Variants in PTPRD observed in about 807,000 individuals in gnomAD.
PTPRD encodes the protein receptor-type tyrosine-protein phosphatase delta.
PTPRD carries 34 observed loss-of-function variants against 214.5 expected under a neutral mutation model. The observed-to-expected ratio is 0.16, with a 90% CI of 0.12 to 0.21. PTPRD has a LOEUF of 0.21. Among genes scored for constraint, PTPRD ranks in the 10% least tolerant of loss-of-function variants. PTPRD has a pLI of 1.00. For missense variants in PTPRD, 2,545 were observed against 2,398.7 expected, an observed-to-expected ratio of 1.06 and a Z score of -1.27; for synonymous variants, 1,128 against 845.7, an observed-to-expected ratio of 1.33 and a Z score of -5.79.
At chr9:8,826,130 C>T (rs1292739012) in intron 11 of PTPRD, among the ~76,000 whole-genome samples, 2 of 152,034 alleles carry the variant, frequency 1.3e-5, no homozygotes, top group Non-Finnish European at 2.9e-5. Context: ...TCCTCAATTT[C>T]TTCCCAATCT....
chr9:9,840,812 G>GGGAAATA (rs2058139657), intron 5 of PTPRD, among the ~76,000 whole-genome samples: 1 of 140,710 alleles, frequency 7.1e-6, no homozygotes, highest in African/African-American at 2.7e-5. Flanking sequence ...GAAAGGGGAA[G>GGGAAATA]GGAAATACAC....
chr9:10,584,101 T>A (rs972917892), intron 2 of PTPRD, among the ~76,000 whole-genome samples: 2 of 151,776 alleles, frequency 1.3e-5, no homozygotes, highest in Middle Eastern at 3.2e-3. Context: ...TGAATGCTTG[T>A]GTGTTGGCAC....
chr9:9,896,499 T>C (rs2075011218), intron 5 of PTPRD, among the ~76,000 whole-genome samples: 2 of 152,056 alleles, frequency 1.3e-5, no homozygotes, highest in South Asian at 4.1e-4. Flanking sequence ...GGAAATAGTC[T>C]AGTGCATTTG....
At chr9:10,518,010 T>C (rs1032987221) in intron 2 of PTPRD, among the ~76,000 whole-genome samples, 3 of 152,150 alleles carry the variant, frequency 2.0e-5, no homozygotes, top group African/African-American at 4.8e-5. Flanking sequence ...ACTAAATATA[T>C]ACAGGTATAA....
intron 3 of PTPRD, among the ~76,000 whole-genome samples, chr9:10,306,490 T>G (rs2096073238): frequency 1.3e-5 from 2 of 152,188 alleles, no homozygotes; most frequent in African/African-American, 4.8e-5. Flanking sequence ...GTTCTCATTA[T>G]TTTTCCTGTC....
In PTPRD at chr9:8,316,942, A is replaced by C. The variant is rs1822281914; in HGVS notation, c.*932T>G. On this transcript the variant is annotated 3_prime_UTR_variant, in exon 46 of 46. Transcript: ENST00000381196. ...TTTTTTGTGTGGACACACTGTCTATATATACATAGACACCCTTATAAAATA... is the reference window on the plus strand; with the variant it reads ...TTTTTTGTGTGGACACACTGTCTATCTATACATAGACACCCTTATAAAATA... 1 of 231,478 alleles carries C rather than the reference A, an allele frequency of 4.3e-6. No individual in the cohort carries two copies. Among genetic ancestry groups the C allele is most frequent in the Non-Finnish European group, 8.6e-6 (1 of 116,714 alleles). 14.3% of individuals were successfully genotyped at this position (231,478 alleles called of 1,614,324 possible).
chr9:8,896,134 T>C (rs2098608515), intron 11 of PTPRD, among the ~76,000 whole-genome samples: 1 of 152,240 alleles, frequency 6.6e-6, no homozygotes, highest in Admixed American at 6.5e-5. Flanking sequence ...CAGTAGTGAT[T>C]TCATTTAAGT....
intron 44 of PTPRD, among the ~76,000 whole-genome samples, chr9:8,328,588 TTCTTCTGGATAATATCCTGA>T (rs1836416679): frequency 8.1e-6 from 1 of 124,044 alleles, no homozygotes. Context: ...GTTGGGGAAG[TTCTTCTGGATAATATCCTGA>T]TATCCTGAAG....
intron 34 of PTPRD, among the ~76,000 whole-genome samples, chr9:8,441,250 G>A (rs1418459851): frequency 6.6e-6 from 1 of 152,068 alleles, no homozygotes; most frequent in Non-Finnish European, 1.5e-5. Flanking sequence ...AGCCATAAGC[G>A]TGACATAAAT....
intron 36 of PTPRD, among the ~76,000 whole-genome samples, chr9:8,395,901 T>G (rs750406738): frequency 1.3e-5 from 2 of 151,994 alleles, no homozygotes; most frequent in African/African-American, 2.4e-5. Flanking sequence ...CCAGCACCTG[T>G]GATAGAGGGG....
intron 11 of PTPRD, among the ~76,000 whole-genome samples, chr9:8,959,018 C>T (rs1244864908): frequency 6.6e-6 from 1 of 151,988 alleles, no homozygotes; most frequent in Non-Finnish European, 1.5e-5. Flanking sequence ...GAGACAGGTC[C>T]TCGAGGAAGC....
chr9:10,144,881 CA>C (rs2099011819), intron 3 of PTPRD, among the ~76,000 whole-genome samples: 1 of 151,208 alleles, frequency 6.6e-6, no homozygotes, highest in African/African-American at 2.4e-5. Context: ...TTTTATTAGC[CA>C]AAATTAAAAA....
chr9:8,501,841 A>G (rs1168625208), intron 23 of PTPRD, among the ~76,000 whole-genome samples: 1 of 152,200 alleles, frequency 6.6e-6, no homozygotes, highest in Non-Finnish European at 1.5e-5. Flanking sequence ...CTTTTTAATT[A>G]TAACTCTTCT....
At chr9:10,142,474 A>G (rs571447316) in intron 3 of PTPRD, among the ~76,000 whole-genome samples, 4 of 152,298 alleles carry the variant, frequency 2.6e-5, no homozygotes, top group Non-Finnish European at 4.4e-5. Context: ...GGACATGAAC[A>G]GACACTTCTC....
chr9:9,561,415 T>C (rs576473594), intron 8 of PTPRD, among the ~76,000 whole-genome samples: 14 of 152,358 alleles, frequency 9.2e-5, no homozygotes, highest in African/African-American at 2.4e-4. Context: ...GCCTCACGTA[T>C]TGGTCACGCA....
At chr9:8,783,356 A>G (rs1247537462) in intron 11 of PTPRD, among the ~76,000 whole-genome samples, 1 of 152,240 alleles carries the variant, frequency 6.6e-6, no homozygotes, top group Non-Finnish European at 1.5e-5. Context: ...TATATCATAA[A>G]GTAACTGGTG....
chr9:9,731,452 G>A lies in PTPRD; in HGVS notation c.-287+3081C>T, dbSNP rs576617806. 6.7e-3 allele frequency among the ~76,000 whole-genome samples: 683 copies of A among 101,206 alleles called. 5 individuals are homozygous for A. The highest frequency in any genetic ancestry group is 0.031 in the Middle Eastern group (5 of 160). The allele number at this position is 101,206 out of a possible 152,430, so 66.4% of individuals were successfully genotyped here. A position where few individuals can be genotyped will look rare whatever the true frequency, so the allele number is the denominator to read the frequency against. The stretch of plus-strand genomic sequence containing the variant: ...CTAGAAGCAAGCAATTCTAGAAATG[G>A]AAATTTAAGGTTTTTTTTTAATTAT... On this transcript the variant is annotated intron_variant, in intron 7 of 45. Transcript: ENST00000381196.
intron 12 of PTPRD, among the ~76,000 whole-genome samples, chr9:8,673,623 T>C (rs147304493): frequency 1.7e-4 from 26 of 152,334 alleles, no homozygotes; most frequent in African/African-American, 5.5e-4. Flanking sequence ...ATCTCATTTA[T>C]GTTTTTCTCT....
At chr9:9,813,255 A>G (rs2047712363) in intron 5 of PTPRD, among the ~76,000 whole-genome samples, 1 of 152,062 alleles carries the variant, frequency 6.6e-6, no homozygotes, top group South Asian at 2.1e-4. Context: ...AAAAGAACAA[A>G]CTAAATAAAC....
Sources: gnomAD v4.1 joint callset for allele counts (sites outside exome capture counted in the v4.1 genomes callset) on GRCh38, gnomAD v4.1.1 for gene constraint, MANE v1.5 for transcripts, NCBI Gene and HGNC (gene_info 2026-07-23, HGNC 2026-07-21) for gene names.